Variants in METTL25 observed in about 807,000 individuals in gnomAD.
The protein encoded by METTL25 is probable methyltransferase-like protein 25.
In METTL25, 64 loss-of-function variants were observed where a neutral mutation model predicts 71.6. The observed-to-expected ratio is 0.89, with a 90% CI of 0.73 to 1.10. The LOEUF is 1.10. Ranked by LOEUF, METTL25 falls within the 50% of genes least tolerant of loss-of-function variation. The probability of loss-of-function intolerance (pLI) is 0.00; values close to 1 mark genes in which losing one functional copy is unlikely to be tolerated. For missense variants in METTL25, 807 were observed against 707.0 expected, an observed-to-expected ratio of 1.14 and a Z score of -1.60; for synonymous variants, 287 against 250.3, an observed-to-expected ratio of 1.15 and a Z score of -1.38.
At chr12:82,361,583 C>T (rs190502047) in intron 1 of METTL25, among the ~76,000 whole-genome samples, 19 of 152,262 alleles carry the variant, frequency 1.2e-4, no homozygotes, top group East Asian at 5.8e-4. Flanking sequence ...AGCTGAGGCC[C>T]GGTGAGAATT....
intron 8 of METTL25, among the ~76,000 whole-genome samples, chr12:82,450,181 CT>C (rs111616695): frequency 2.0e-5 from 3 of 151,156 alleles, no homozygotes; most frequent in Non-Finnish European, 4.4e-5. Flanking sequence ...GTTGAGGTGG[CT>C]TTTTTTTTCT....
At chr12:82,366,065 G>A (rs901399551) in intron 1 of METTL25, among the ~76,000 whole-genome samples, 5 of 152,046 alleles carry the variant, frequency 3.3e-5, no homozygotes, top group African/African-American at 1.2e-4. Flanking sequence ...TTGGACAACA[G>A]AGTGAGATTC....
intron 5 of METTL25, chr12:82,408,002 C>A: frequency 1.0e-6 from 1 of 978,500 alleles, no homozygotes; most frequent in Non-Finnish European, 1.2e-6. Flanking sequence ...ATTCTAGCTG[C>A]CTAGCTGAGT....
chr12:82,360,312 A>G (rs1881669532), intron 1 of METTL25, among the ~76,000 whole-genome samples: 1 of 151,896 alleles, frequency 6.6e-6, no homozygotes, highest in South Asian at 2.1e-4. Flanking sequence ...CTTCATGTGT[A>G]TTTTCTCTTT....
At chr12:82,378,703 CAAAG>C (rs1394875978) in intron 1 of METTL25, among the ~76,000 whole-genome samples, 3 of 152,056 alleles carry the variant, frequency 2.0e-5, no homozygotes, top group Admixed American at 1.3e-4. Flanking sequence ...TTTCCTGAGA[CAAAG>C]AATCCTTTAT....
At chr12:82,390,026 A>G (rs1003840351) in intron 3 of METTL25, 104 bp downstream of exon 3, 3 of 667,094 alleles carry the variant, frequency 4.5e-6, no homozygotes, top group African/African-American at 3.7e-5. Context: ...AAATGTCATT[A>G]AATAATAGCA....
rs903782164 is a variant in METTL25, at chr12:82,429,221, C to G, written c.1280-1672C>G. On this transcript the variant is annotated intron_variant, in intron 5 of 11. Transcript: ENST00000248306. ...CCCACAGCACATATACCCCTCCCAG[C>G]CTCAAGTAACTGTCATTCTACTCCC... Among the ~76,000 whole-genome samples, 3 of 151,700 alleles carry G rather than the reference C, an allele frequency of 2.0e-5. No individual in the cohort carries two copies. The East Asian group carries it at 5.8e-4, about 29-fold the overall frequency.
At chr12:82,432,517 A>G (rs1484579744) in intron 6 of METTL25, among the ~76,000 whole-genome samples, 1 of 151,764 alleles carries the variant, frequency 6.6e-6, no homozygotes, top group Non-Finnish European at 1.5e-5. Context: ...AGAACTATGT[A>G]ATATCCCTTA....
chr12:82,377,431 T>A (rs1883987860), intron 1 of METTL25, among the ~76,000 whole-genome samples: 1 of 152,210 alleles, frequency 6.6e-6, no homozygotes, highest in Non-Finnish European at 1.5e-5. Flanking sequence ...GTATCTTAAA[T>A]TATTTCTAGT....
At chr12:82,418,359 A>G (rs1888169926) in intron 5 of METTL25, among the ~76,000 whole-genome samples, 2 of 152,146 alleles carry the variant, frequency 1.3e-5, no homozygotes, top group Admixed American at 1.3e-4. Flanking sequence ...AGGCACATCA[A>G]ACATAAAGGT....
chr12:82,389,923 G>T lies in METTL25; in HGVS notation c.531+1G>T. ...TGCTGACTACTATGGAATAAAGCAG[G>T]TAAGAGTATTTCCGTATGTTTTTAG... On this transcript the variant is annotated splice_donor_variant, in intron 3 of 11. Transcript: ENST00000248306. LOFTEE classifies it high-confidence loss of function. 1 of 1,489,742 alleles carries T rather than the reference G, an allele frequency of 6.7e-7. No homozygotes were observed. The highest frequency in any genetic ancestry group is 1.2e-5 in the South Asian group (1 of 86,092). 92.3% of individuals were successfully genotyped at this position (1,489,742 alleles called of 1,614,324 possible). A position where few individuals can be genotyped will look rare whatever the true frequency, so the allele number is the denominator to read the frequency against.
At chr12:82,433,470 CAA>C (rs1889678923) in intron 6 of METTL25, among the ~76,000 whole-genome samples, 1 of 151,616 alleles carries the variant, frequency 6.6e-6, no homozygotes, top group South Asian at 2.1e-4. Context: ...AAGTATCCTT[CAA>C]GTAAATGGGA....
intron 7 of METTL25, among the ~76,000 whole-genome samples, chr12:82,438,177 A>G (rs1175231309): frequency 3.3e-5 from 5 of 151,528 alleles, no homozygotes; most frequent in East Asian, 1.9e-4. Context: ...CTCTTATCCT[A>G]TGTTCTTTCC....
At chr12:82,385,509 A>G (rs1228252243) in intron 1 of METTL25, among the ~76,000 whole-genome samples, 3 of 152,186 alleles carry the variant, frequency 2.0e-5, no homozygotes, top group African/African-American at 4.8e-5. Flanking sequence ...ATTATTCAAA[A>G]TTAATTTTCA....
intron 1 of METTL25, chr12:82,369,437 T>A (rs1882950959): frequency 4.4e-6 from 2 of 450,218 alleles, no homozygotes; most frequent in African/African-American, 4.0e-5. Context: ...ACCTTTGCGG[T>A]GACTGTTACA....
intron 1 of METTL25, 162 bp downstream of exon 1, chr12:82,358,986 G>A (rs1881394079): frequency 2.8e-6 from 2 of 714,134 alleles, no homozygotes; most frequent in Admixed American, 5.4e-5. Context: ...GAGGGGTGGG[G>A]TGGGGATGTT....
At chr12:82,464,369 A>G (rs1892096579) in intron 9 of METTL25, among the ~76,000 whole-genome samples, 1 of 151,856 alleles carries the variant, frequency 6.6e-6, no homozygotes, top group African/African-American at 2.4e-5. Context: ...GGAAGTGATT[A>G]TTCTTTCCCC....
In METTL25 at chr12:82,399,211, C is replaced by A. The variant is rs1244288836; in HGVS notation, c.948C>A (p.Asn316Lys). 8 of 1,613,264 alleles carry A rather than the reference C, an allele frequency of 5.0e-6. No individual in the cohort carries two copies. Among genetic ancestry groups the A allele is most frequent in the Non-Finnish European group, 6.8e-6 (8 of 1,179,624 alleles). The change falls in exon 4 of 12, where the codon AAC becomes AAA. Residue 316 changes from asparagine (N) to lysine (K), a missense_variant. Transcript: ENST00000248306. ...TTGAAAATTCCTTTTCTCTTATAAACCTTTTGCCTATTAATGCTGTAGAGC... is the reference window on the plus strand; with the variant it reads ...TTGAAAATTCCTTTTCTCTTATAAAACTTTTGCCTATTAATGCTGTAGAGC... ...LCFENSFSLI[N>K]LLPINAVEPT... is the part of the protein sequence containing the mutation.
chr12:82,396,315 A>G (rs1886079547), intron 3 of METTL25, among the ~76,000 whole-genome samples: 2 of 152,124 alleles, frequency 1.3e-5, no homozygotes, highest in Admixed American at 1.3e-4. Context: ...AAATGGAAGT[A>G]TAGGGAATAA....
Sources: allele counts gnomAD v4.1 joint callset (sites outside exome capture counted in the v4.1 genomes callset), GRCh38; gene constraint gnomAD v4.1.1; transcripts MANE v1.5; gene names NCBI Gene and HGNC (gene_info 2026-07-23, HGNC 2026-07-21).